VAV2: variants seen among roughly 807,000 people sequenced by gnomAD.
VAV2 encodes the protein guanine nucleotide exchange factor VAV2.
A neutral mutation model predicts 132.5 loss-of-function variants in VAV2; 67 were observed. The ratio of observed to expected loss-of-function variants is 0.51; its 90% CI spans 0.42 to 0.62. The LOEUF is 0.62. Ranked by LOEUF, VAV2 falls within the 20% of genes least tolerant of loss-of-function variation. The probability of loss-of-function intolerance (pLI) is 0.00; values close to 1 mark genes in which losing one functional copy is unlikely to be tolerated. For missense variants in VAV2, 938 were observed against 1,153.6 expected (o/e 0.81, Z 2.71); for synonymous variants, 492 against 443.5 (o/e 1.11, Z -1.37).
intron 1 of VAV2, among the ~76,000 whole-genome samples, chr9:133,949,995 A>C (rs1347862920): frequency 6.6e-6 from 1 of 152,106 alleles, no homozygotes; most frequent in Non-Finnish European, 1.5e-5. Context: ...ACCAGCAAGG[A>C]CCAGCAGCCG....
At chr9:133,905,490 G>C (rs1459095070) in intron 2 of VAV2, among the ~76,000 whole-genome samples, 1 of 151,654 alleles carries the variant, frequency 6.6e-6, no homozygotes, top group African/African-American at 2.4e-5. Context: ...GGTCAGGGAG[G>C]GGCCTACCAA....
At position 133,763,202 on chromosome 9, in the gene VAV2, G is replaced by C. The variant is rs1833319372; in HGVS notation, c.*860C>G. On this transcript the variant is annotated 3_prime_UTR_variant, in exon 30 of 30. Transcript: ENST00000371850. This position sits in a 1 kb window ranked among gnomAD's most constrained non-coding sequence, Gnocchi z 6.8. Reference sequence around the variant, plus strand: ...GAGGGACCTGGCAGGGATCTAGAGAGGGGAAATCCCTGTTTTCTTCCCTGC... The same window carrying C: ...GAGGGACCTGGCAGGGATCTAGAGACGGGAAATCCCTGTTTTCTTCCCTGC... 6.6e-6 allele frequency: 1 copy of C among 152,256 alleles called. No individual in the cohort carries two copies. The highest frequency in any genetic ancestry group is 1.5e-5 in the Non-Finnish European group (1 of 67,970). 9.4% of individuals were successfully genotyped at this position (152,256 alleles called of 1,614,324 possible). A position where few individuals can be genotyped will look rare whatever the true frequency, so the allele number is the denominator to read the frequency against.
At chr9:133,951,879 C>T (rs542600633) in intron 1 of VAV2, among the ~76,000 whole-genome samples, 33 of 152,226 alleles carry the variant, frequency 2.2e-4, no homozygotes, top group African/African-American at 7.7e-4. Context: ...TCCCACAGCC[C>T]GGGAAGCTTG....
chr9:133,889,430 CACAGTGATCTG>C (rs1247380632), intron 2 of VAV2, among the ~76,000 whole-genome samples: 29 of 152,292 alleles, frequency 1.9e-4, no homozygotes, highest in Middle Eastern at 3.4e-3. Context: ...CGGCCACTGG[CACAGTGATCTG>C]CGGTCCTCGG....
At chr9:133,779,165 C>A (rs965343073) in intron 21 of VAV2, among the ~76,000 whole-genome samples, 1 of 152,282 alleles carries the variant, frequency 6.6e-6, no homozygotes, top group African/African-American at 2.4e-5. Flanking sequence ...CCCTTCAGAT[C>A]TGTGGCCCAC....
chr9:133,894,098 C>T (rs1340126846), intron 2 of VAV2, among the ~76,000 whole-genome samples: 3 of 152,248 alleles, frequency 2.0e-5, no homozygotes, highest in Non-Finnish European at 2.9e-5. Context: ...CGTCAGAATT[C>T]AGGGAAGCTG....
At chr9:133,777,898 C>T (rs903713540) in intron 22 of VAV2, among the ~76,000 whole-genome samples, 2 of 152,212 alleles carry the variant, frequency 1.3e-5, no homozygotes, top group African/African-American at 4.8e-5. Flanking sequence ...GTAACCTGAA[C>T]ATTAACAAAC....
At chr9:133,775,160 C>T (rs1364611417) in intron 24 of VAV2, 109 bp from the exon 25 acceptor site, 6 of 865,576 alleles carry the variant, frequency 6.9e-6, no homozygotes, top group Admixed American at 5.2e-5. Context: ...CAGTCCTCAT[C>T]TGAGAGCTCA....
intron 1 of VAV2, among the ~76,000 whole-genome samples, chr9:133,965,968 G>A (rs1276049926): frequency 6.6e-6 from 1 of 152,080 alleles, no homozygotes; most frequent in Non-Finnish European, 1.5e-5. Context: ...AAACAACCCA[G>A]AAATGAATCC....
intron 9 of VAV2, among the ~76,000 whole-genome samples, chr9:133,799,434 C>T (rs1372045410): frequency 1.3e-5 from 2 of 152,324 alleles, no homozygotes; most frequent in South Asian, 2.1e-4. Context: ...TGACAGTCCA[C>T]GACTCTGATA....
At chr9:133,937,744 C>CA (rs1460900641) in intron 2 of VAV2, among the ~76,000 whole-genome samples, 2 of 152,178 alleles carry the variant, frequency 1.3e-5, no homozygotes, top group African/African-American at 4.8e-5. Context: ...TTCAAGCCTC[C>CA]CTGACTCCAG....
rs755589662 is a variant in VAV2, at chr9:133,769,472, GAGAAA to G, written c.2374_2378del (p.Phe792GlnfsTer33). ...AAGCAAAGCTGAGGCCCTGAGGACT[GAGAAA>G]AGAAAAGTTGTAGGAAGCACAGGAA... On this transcript the variant is annotated frameshift_variant, in exon 28 of 30. Coordinates refer to ENST00000371850, the MANE Select transcript of VAV2 (RefSeq NM_001134398.2). LOFTEE classifies it high-confidence loss of function. This position sits in a 1 kb window ranked among gnomAD's most constrained non-coding sequence, Gnocchi z 8.1. 8 of 1,613,048 alleles carry G rather than the reference GAGAAA, an allele frequency of 5.0e-6. No individual in the cohort carries two copies. The highest frequency in any genetic ancestry group is 1.7e-5 in the Admixed American group (1 of 59,918).
At chr9:133,957,877 T>G (rs1291831830) in intron 1 of VAV2, among the ~76,000 whole-genome samples, 2 of 151,798 alleles carry the variant, frequency 1.3e-5, no homozygotes, top group African/African-American at 4.8e-5. Context: ...GAAAAATTCT[T>G]CTGCCTTGAG....
At chr9:133,814,221 G>A (rs1436913441) in intron 4 of VAV2, among the ~76,000 whole-genome samples, 3 of 152,140 alleles carry the variant, frequency 2.0e-5, no homozygotes, top group Non-Finnish European at 4.4e-5. Flanking sequence ...AGCCAGGTCC[G>A]GCGACTGCCT....
At chr9:133,876,716 G>A (rs1422565880) in intron 2 of VAV2, among the ~76,000 whole-genome samples, 1 of 152,234 alleles carries the variant, frequency 6.6e-6, no homozygotes, top group African/African-American at 2.4e-5. Flanking sequence ...CAGGCCAGGT[G>A]CACGATGGCA....
Position 133,771,977 on chromosome 9 carries a change from C to T in VAV2, c.2205G>A (p.Lys735=). ...CACCTACCAGGAGGCTGTCGAATTT[C>T]TTGGCCTCTGTGATGTGGATCCAGT... is the stretch of plus-strand genomic sequence containing the variant. ...KDNWIHITEA[K]KFDSLLELVE... is the part of the protein sequence containing the mutation. The change falls in exon 26 of 30, where the codon AAG becomes AAA. Residue 735 remains lysine (K), a synonymous_variant. Transcript: ENST00000371850. 2 of 1,606,226 alleles carry T rather than the reference C, an allele frequency of 1.2e-6. No individual in the cohort carries two copies. Among genetic ancestry groups the T allele is most frequent in the Non-Finnish European group, 1.7e-6 (2 of 1,176,044 alleles).
chr9:133,880,652 C>T (rs772928574), intron 2 of VAV2, among the ~76,000 whole-genome samples: 1 of 152,150 alleles, frequency 6.6e-6, no homozygotes, highest in African/African-American at 2.4e-5. Context: ...ACTGAGGAAG[C>T]CAGAGTCACT....
At chr9:133,982,715 G>A (rs575209072) in intron 1 of VAV2, among the ~76,000 whole-genome samples, 4 of 152,328 alleles carry the variant, frequency 2.6e-5, no homozygotes, top group Admixed American at 1.3e-4. Flanking sequence ...AGGGCCCGCC[G>A]CCTGGTTTTG....
At chr9:133,771,062 C>CTTTTTT (rs148597917) in intron 26 of VAV2, among the ~76,000 whole-genome samples, 5 of 117,702 alleles carry the variant, frequency 4.2e-5, no homozygotes, top group African/African-American at 6.6e-5. Flanking sequence ...TATGGATTTT[C>CTTTTTT]TTTTTTTTTT....
Sources: gnomAD v4.1 joint callset for allele counts (sites outside exome capture counted in the v4.1 genomes callset) on GRCh38, gnomAD v4.1.1 for gene constraint, Gnocchi (gnomAD v3.1) non-coding constraint, MANE v1.5 for transcripts, NCBI Gene and HGNC (gene_info 2026-07-23, HGNC 2026-07-21) for gene names.